CREG2: variants seen among roughly 807,000 people sequenced by gnomAD.
The protein encoded by CREG2 is cellular repressor of E1A stimulated genes 2, also known as protein CREG2.
A neutral mutation model predicts 26.2 loss-of-function variants in CREG2; 24 were observed. The ratio of observed to expected loss-of-function variants is 0.92; its 90% CI spans 0.66 to 1.29. The LOEUF is 1.29. Ranked by LOEUF, CREG2 falls within the 50% of genes most tolerant of loss-of-function variation. The pLI, the probability that CREG2 is intolerant of heterozygous loss-of-function variation, is 0.00. For synonymous variants in CREG2, 174 were observed against 169.2 expected (o/e 1.03, Z -0.22); for missense variants, 366 against 398.6 (o/e 0.92, Z 0.70).
At position 101,355,521 on chromosome 2, in the gene CREG2, G is replaced by A. The variant is rs932383117; in HGVS notation, c.612-155C>T. Among the ~76,000 whole-genome samples the A allele has an allele frequency of 7.9e-5, 12 of 152,168 alleles. 1 individual carries two copies. The highest frequency in any genetic ancestry group is 4.6e-4 in the Admixed American group (7 of 15,276). On this transcript the variant is annotated intron_variant, in intron 2 of 3. Coordinates refer to ENST00000324768, the MANE Select transcript of CREG2 (RefSeq NM_153836.4). The stretch of plus-strand genomic sequence containing the variant: ...GGTTATATCATTCAGGTTATGTTAC[G>A]GATAGTTACTTTAAAATACTCAGGC...
At chr2:101,374,421 G>T (rs1453357762) in intron 2 of CREG2, among the ~76,000 whole-genome samples, 1 of 152,198 alleles carries the variant, frequency 6.6e-6, no homozygotes, top group Non-Finnish European at 1.5e-5. Context: ...TTAGCTCTAG[G>T]AATACAGGAA....
At position 101,383,642 on chromosome 2, in the gene CREG2, T is replaced by C. The variant is rs753278288; in HGVS notation, c.502A>G (p.Thr168Ala). The change falls in exon 2 of 4, where the codon ACT becomes GCT. Residue 168 changes from threonine (T) to alanine (A), a missense_variant. Around this residue, in one of 3 missense-constraint regions of CREG2, gnomAD observed 174 missense variants for 178.2 expected, o/e 0.98. Coordinates refer to ENST00000324768, the MANE Select transcript of CREG2 (RefSeq NM_153836.4). Reference protein sequence around the residue: ...PVSDGPFNNSTGIPFFYMTAK... With the variant: ...PVSDGPFNNSAGIPFFYMTAK... ...GTCATGTAGAAGAAAGGAATCCCAG[T>C]GCTATTGTTGAAGGGGCCATCACTG... 1.7e-4 allele frequency: 279 copies of C among 1,614,092 alleles called. 3 individuals carry two copies. The East Asian group carries it at 6.1e-3, about 36-fold the overall frequency.
intron 2 of CREG2, among the ~76,000 whole-genome samples, chr2:101,372,089 T>C (rs1366961162): frequency 6.6e-6 from 1 of 152,076 alleles, no homozygotes; most frequent in African/African-American, 2.4e-5. Flanking sequence ...GGAATGAGGA[T>C]GTCAAGGTGG....
intron 3 of CREG2, among the ~76,000 whole-genome samples, chr2:101,354,039 T>C (rs2104469445): frequency 6.6e-6 from 1 of 152,160 alleles, no homozygotes; most frequent in Admixed American, 6.6e-5. Flanking sequence ...ACCTAGATGA[T>C]GGGTGCAGCA....
chr2:101,382,163 G>A (rs1364404339), intron 2 of CREG2: 2 of 152,366 alleles, frequency 1.3e-5, no homozygotes, highest in East Asian at 3.9e-4. Flanking sequence ...AGCTTAGAAA[G>A]GTATCCTGGA....
chr2:101,387,365 G>A lies in CREG2; in HGVS notation c.93C>T (p.Gly31=). 1 of 1,422,068 alleles carries A rather than the reference G, an allele frequency of 7.0e-7. No individual in the cohort carries two copies. 88.1% of individuals were successfully genotyped at this position (1,422,068 alleles called of 1,614,324 possible). A position where few individuals can be genotyped will look rare whatever the true frequency, so the allele number is the denominator to read the frequency against. ...AAGACACGGAGCTCACGATCACGTA[G>A]CCCGCGGCCGGGGACAGCAGGGCGC... The part of the protein sequence containing the change: ...CCSALLSPAA[G]YVIVSSVSWA... The change falls in exon 1 of 4, where the codon GGC becomes GGT. Residue 31 remains glycine (G), a synonymous_variant. Transcript: ENST00000324768. This position sits in a 1 kb window ranked among gnomAD's most constrained non-coding sequence, Gnocchi z 4.7.
chr2:101,370,913 C>A (rs1273595820), intron 2 of CREG2, among the ~76,000 whole-genome samples: 1 of 152,174 alleles, frequency 6.6e-6, no homozygotes, highest in African/African-American at 2.4e-5. Context: ...TGAAACGGGG[C>A]ACGCTGGCAG....
In CREG2 at chr2:101,383,537, A is replaced by G; in HGVS notation, c.607T>C (p.Cys203Arg). The change falls in exon 2 of 4, where the codon TGC (cysteine) becomes CGC (arginine). Residue 203 changes from cysteine to arginine, a missense_variant. Transcript: ENST00000324768. The stretch of plus-strand genomic sequence containing the variant: ...TGAGGGCAAACCGTCGTCTACCTGC[A>G]GAACTCCCCTTCTGATTCTGGCAGC... ...LMLPESEGEF[C>R]RKNIVDPEDP... 1 of 1,613,862 alleles carries G rather than the reference A, an allele frequency of 6.2e-7. No homozygotes were observed.
intron 2 of CREG2, among the ~76,000 whole-genome samples, chr2:101,364,458 C>T (rs570669013): frequency 3.0e-4 from 46 of 152,166 alleles, no homozygotes; most frequent in Non-Finnish European, 5.4e-4. Flanking sequence ...TGTTTGAGAT[C>T]CACTGGTGGA....
chr2:101,385,262 AG>A (rs1684949135), intron 1 of CREG2, among the ~76,000 whole-genome samples: 4 of 152,114 alleles, frequency 2.6e-5, no homozygotes, highest in Admixed American at 1.3e-4. Flanking sequence ...GGCTCACTGC[AG>A]CCTCCGTCTC....
intron 2 of CREG2, among the ~76,000 whole-genome samples, chr2:101,374,270 G>A (rs1256853434): frequency 4.6e-5 from 7 of 152,218 alleles, no homozygotes; most frequent in South Asian, 2.1e-4. Flanking sequence ...CCCGTCCAAC[G>A]GGAGGCTGAG....
rs1322468543 is a variant in CREG2 at position 101,347,078 on chromosome 2, C to A, written c.*3845G>T. On this transcript the variant is annotated 3_prime_UTR_variant, in exon 4 of 4. Coordinates refer to ENST00000324768, the MANE Select transcript of CREG2 (RefSeq NM_153836.4). ...TATGTAAATGGAATCATACAGTGTG[C>A]AAACTTTTATGATTGGCTTTGCTCA... 6.6e-6 allele frequency: 1 copy of A among 152,196 alleles called. No individual in the cohort carries two copies. Among genetic ancestry groups the A allele is most frequent in the African/African-American group, 2.4e-5 (1 of 41,452 alleles). 9.4% of individuals were successfully genotyped at this position (152,196 alleles called of 1,614,324 possible).
At chr2:101,378,868 C>T (rs1812222) in intron 2 of CREG2, among the ~76,000 whole-genome samples, 15,196 of 151,794 alleles carry the variant, frequency 0.1, 927 homozygotes, top group African/African-American at 0.17. Flanking sequence ...TAGCTGGGCA[C>T]GGTGGTGGGT....
intron 2 of CREG2, among the ~76,000 whole-genome samples, chr2:101,380,380 C>T (rs562875477): frequency 3.3e-5 from 5 of 152,330 alleles, no homozygotes; most frequent in Admixed American, 2.0e-4. Context: ...TTGATGAACG[C>T]AGAGGCAGGC....
chr2:101,366,555 G>A (rs970990322), intron 2 of CREG2, among the ~76,000 whole-genome samples: 1 of 152,312 alleles, frequency 6.6e-6, no homozygotes, highest in South Asian at 2.1e-4. Context: ...AGGCGCAGTG[G>A]CTCATGCCTG....
chr2:101,355,382 A>AT lies in CREG2; in HGVS notation c.612-17dup. On this transcript the variant is annotated splice_polypyrimidine_tract_variant and intron_variant, in intron 2 of 3. Transcript: ENST00000324768. The stretch of plus-strand genomic sequence containing the variant: ...GATGTTTTTTCTGCATGTGAAAAAC[A>AT]TTTTTTGTATATCAGAACAAGGACA... The AT allele has an allele frequency of 1.3e-6, 2 of 1,521,970 alleles. No homozygotes were observed. Among genetic ancestry groups the AT allele is most frequent in the Non-Finnish European group, 1.8e-6 (2 of 1,096,650 alleles). 94.3% of individuals were successfully genotyped at this position (1,521,970 alleles called of 1,614,324 possible).
In CREG2 at chr2:101,385,630, G is replaced by C. The variant is rs984697086; in HGVS notation, c.441+1387C>G. 5.3e-5 allele frequency among the ~76,000 whole-genome samples: 8 copies of C among 152,288 alleles called. No homozygotes were observed. The East Asian group carries it at 1.3e-3, about 26-fold the overall frequency. On this transcript the variant is annotated intron_variant, in intron 1 of 3. Coordinates refer to ENST00000324768, the MANE Select transcript of CREG2 (RefSeq NM_153836.4). ...GTCCTTGAAATGTTGCATGATAATG[G>C]TGTGTAGAATTATAAAAGGCAGGGC...
In CREG2 at chr2:101,357,893, C is replaced by T. The variant is rs143574647; in HGVS notation, c.612-2527G>A. On this transcript the variant is annotated intron_variant, in intron 2 of 3. Coordinates refer to ENST00000324768, the MANE Select transcript of CREG2 (RefSeq NM_153836.4). ...TTGGGAGGCTGAGGCGGGAGAATGG[C>T]GTGATCCTGGGAGGCGGAGCTTGCA... Among the ~76,000 whole-genome samples, 626 of 149,412 alleles carry T rather than the reference C, an allele frequency of 4.2e-3. 2 individuals carry two copies. Among genetic ancestry groups the T allele is most frequent in the African/African-American group, 0.015 (593 of 40,602 alleles).
chr2:101,376,302 G>C (rs1684788512), intron 2 of CREG2, among the ~76,000 whole-genome samples: 3 of 149,268 alleles, frequency 2.0e-5, no homozygotes, highest in African/African-American at 7.5e-5. Flanking sequence ...TTTTAACACA[G>C]AGTGTCACTC....
Sources: allele counts gnomAD v4.1 joint callset (sites outside exome capture counted in the v4.1 genomes callset), GRCh38; gene constraint gnomAD v4.1.1; regional missense constraint gnomAD v4.1.1; non-coding constraint Gnocchi (gnomAD v3.1); transcripts MANE v1.5; gene names NCBI Gene and HGNC (gene_info 2026-07-23, HGNC 2026-07-21).